Variants in SLC23A2 observed in about 807,000 individuals in gnomAD.
SLC23A2 encodes the protein Na(+)/L-ascorbic acid transporter 2.
A neutral mutation model predicts 73.3 loss-of-function variants in SLC23A2; 36 were observed. The observed-to-expected ratio is 0.49, with a 90% confidence interval of 0.38 to 0.65. The LOEUF is 0.65. Ranked by LOEUF, SLC23A2 falls within the 30% of genes least tolerant of loss-of-function variation. SLC23A2 has a pLI of 0.00. For missense variants in SLC23A2, 507 were observed against 841.6 expected (o/e 0.60, Z 4.92); for synonymous variants, 343 against 327.3 (o/e 1.05, Z -0.52).
Position 4,868,923 on chromosome 20 carries a change from T to C in SLC23A2, c.1250+983A>G, listed in dbSNP as rs1359257445. 6.6e-6 allele frequency: 1 copy of C among 152,210 alleles called. No individual in the cohort carries two copies. The highest frequency in any genetic ancestry group is 1.5e-5 in the Non-Finnish European group (1 of 68,044). 9.4% of individuals were successfully genotyped at this position (152,210 alleles called of 1,614,324 possible). Reference sequence around the variant, plus strand: ...CATTTCTGCTATTCCTGTCCCTATTTATATAAACTGTAACTGTGCATAGAT... The same window carrying C: ...CATTTCTGCTATTCCTGTCCCTATTCATATAAACTGTAACTGTGCATAGAT... On this transcript the variant is annotated intron_variant, in intron 12 of 16. Transcript: ENST00000338244. The surrounding 1 kb of genome is among the most constrained non-coding windows in gnomAD (Gnocchi z 4.4).
intron 3 of SLC23A2, among the ~76,000 whole-genome samples, chr20:4,918,159 A>G (rs1230848053): frequency 6.6e-6 from 1 of 152,208 alleles, no homozygotes; most frequent in Non-Finnish European, 1.5e-5. Flanking sequence ...TAAACTTAAT[A>G]AAGTCTGGTT....
At chr20:4,880,072 T>G (rs188999447) in intron 9 of SLC23A2, among the ~76,000 whole-genome samples, 1 of 152,190 alleles carries the variant, frequency 6.6e-6, no homozygotes, top group Non-Finnish European at 1.5e-5. Context: ...AATACATCCA[T>G]CAGCTCAGGA....
At chr20:4,907,290 G>T (rs1388981378) in intron 4 of SLC23A2, among the ~76,000 whole-genome samples, 1 of 152,008 alleles carries the variant, frequency 6.6e-6, no homozygotes, top group Non-Finnish European at 1.5e-5. Flanking sequence ...GACATCTATA[G>T]ATCCCACAGA....
At chr20:4,887,639 C>G (rs970688060) in intron 6 of SLC23A2, among the ~76,000 whole-genome samples, 1 of 152,146 alleles carries the variant, frequency 6.6e-6, no homozygotes, top group African/African-American at 2.4e-5. Flanking sequence ...CTAAAGGTCC[C>G]GAGAGCGCTG....
intron 4 of SLC23A2, among the ~76,000 whole-genome samples, chr20:4,903,229 T>A (rs970483440): frequency 1.3e-5 from 2 of 152,188 alleles, no homozygotes; most frequent in African/African-American, 4.8e-5. Flanking sequence ...AAACATTAAG[T>A]GTGGCATGGT....
Position 4,853,491 on chromosome 20 carries a change from G to A in SLC23A2, c.*3481C>T, listed in dbSNP as rs1436599411. The stretch of plus-strand genomic sequence containing the variant: ...TCATGGTCATAAAATATACGTATGG[G>A]TAAATAAAGTATACACACATACTAG... On this transcript the variant is annotated 3_prime_UTR_variant, in exon 17 of 17. Transcript: ENST00000338244. The A allele has an allele frequency of 6.6e-6, 1 of 152,588 alleles. No homozygotes were observed. The highest frequency in any genetic ancestry group is 1.5e-5 in the Non-Finnish European group (1 of 68,030). 9.5% of individuals were successfully genotyped at this position (152,588 alleles called of 1,614,324 possible).
At chr20:4,973,989 CTA>C (rs2087604957) in intron 1 of SLC23A2, among the ~76,000 whole-genome samples, 1 of 152,162 alleles carries the variant, frequency 6.6e-6, no homozygotes, top group African/African-American at 2.4e-5. Context: ...GTGTATCTTA[CTA>C]TGTTATTTAA....
chr20:4,882,198 G>A (rs1930913740), intron 9 of SLC23A2, among the ~76,000 whole-genome samples: 1 of 152,098 alleles, frequency 6.6e-6, no homozygotes, highest in South Asian at 2.1e-4. Context: ...CCAACATGGT[G>A]AAACCGTCTC....
At position 4,863,635 on chromosome 20, in the gene SLC23A2, C is replaced by A. The variant is rs530229788; in HGVS notation, c.1357-728G>T. 1.4e-4 allele frequency among the ~76,000 whole-genome samples: 22 copies of A among 152,294 alleles called. No individual in the cohort carries two copies. Among genetic ancestry groups the A allele is most frequent in the Admixed American group, 5.9e-4 (9 of 15,308 alleles). ...CCATTCCATGGGGCCACGGGGTCAC[C>A]TTTCTAACACATGAAATTGGGGAGG... On this transcript the variant is annotated intron_variant, in intron 13 of 16. Transcript: ENST00000338244. The surrounding 1 kb of genome is among the most constrained non-coding windows in gnomAD (Gnocchi z 4.8).
chr20:4,882,894 C>T (rs1427663509), intron 9 of SLC23A2, among the ~76,000 whole-genome samples: 2 of 152,078 alleles, frequency 1.3e-5, no homozygotes, highest in African/African-American at 4.8e-5. Context: ...TGGTTAAATT[C>T]CAGAGTAATG....
At chr20:4,911,838 G>A (rs1932159205) in intron 4 of SLC23A2, among the ~76,000 whole-genome samples, 1 of 139,254 alleles carries the variant, frequency 7.2e-6, no homozygotes, top group Non-Finnish European at 1.7e-5. Flanking sequence ...TTTTATTTAT[G>A]AATTTATTTA....
intron 6 of SLC23A2, among the ~76,000 whole-genome samples, chr20:4,892,208 C>T (rs544514061): frequency 6.6e-6 from 1 of 152,254 alleles, no homozygotes; most frequent in African/African-American, 2.4e-5. Context: ...GGCAGAGACC[C>T]TTAGCCAAGG....
At chr20:4,966,991 G>A (rs6052998) in intron 2 of SLC23A2, among the ~76,000 whole-genome samples, 60,715 of 151,642 alleles carry the variant, frequency 0.4, 12,416 homozygotes, top group Admixed American at 0.48. Context: ...AGGAGGGAAG[G>A]AAGCAGATAT....
chr20:4,870,345 G>A lies in SLC23A2; in HGVS notation c.1103-292C>T, dbSNP rs376589508. ...TGTAATCCCAGCACTTTGGGAGGCC[G>A]AGGCAGGCAGATCACGAGGTCAGGA... On this transcript the variant is annotated intron_variant, in intron 11 of 16. Transcript: ENST00000338244. Among the ~76,000 whole-genome samples the A allele has an allele frequency of 5.2e-4, 79 of 152,242 alleles. 1 individual carries two copies. The South Asian group carries it at 7.5e-3, about 14-fold the overall frequency.
intron 5 of SLC23A2, among the ~76,000 whole-genome samples, chr20:4,900,342 C>A (rs1931700207): frequency 6.6e-6 from 1 of 152,200 alleles, no homozygotes; most frequent in Non-Finnish European, 1.5e-5. Context: ...AAATGCTTTT[C>A]TGGCATAAAT....
intron 4 of SLC23A2, among the ~76,000 whole-genome samples, chr20:4,907,357 C>T (rs1307132233): frequency 1.3e-5 from 2 of 152,100 alleles, no homozygotes; most frequent in Non-Finnish European, 2.9e-5. Flanking sequence ...AGATAAACTT[C>T]ATCACACACA....
At position 4,899,724 on chromosome 20, in the gene SLC23A2, A is replaced by T. The variant is rs1301320694; in HGVS notation, c.325-12T>A. 3 of 1,612,998 alleles carry T rather than the reference A, an allele frequency of 1.9e-6. No homozygotes were observed. Among genetic ancestry groups the T allele is most frequent in the Non-Finnish European group, 2.5e-6 (3 of 1,179,188 alleles). On this transcript the variant is annotated splice_polypyrimidine_tract_variant and intron_variant, in intron 5 of 16. Coordinates refer to ENST00000338244, the MANE Select transcript of SLC23A2 (RefSeq NM_005116.6). This position sits in a 1 kb window ranked among gnomAD's most constrained non-coding sequence, Gnocchi z 4.9. ...CATGTCAGGTAGTGCTGTGGGCAGG[A>T]AAAGGGTCAGAGGAGAAACAGTAAA... is the stretch of plus-strand genomic sequence containing the variant.
At chr20:4,927,186 G>A (rs1932703658) in intron 3 of SLC23A2, among the ~76,000 whole-genome samples, 1 of 152,138 alleles carries the variant, frequency 6.6e-6, no homozygotes, top group African/African-American at 2.4e-5. Flanking sequence ...AGGTTTTATT[G>A]AATAGTATTT....
intron 1 of SLC23A2, among the ~76,000 whole-genome samples, chr20:4,996,405 G>A (rs973666474): frequency 2.0e-5 from 3 of 152,032 alleles, no homozygotes; most frequent in Admixed American, 1.3e-4. Flanking sequence ...ACTCATGAGT[G>A]GGCCAGGCAC....
Sources: gnomAD v4.1 joint callset for allele counts (sites outside exome capture counted in the v4.1 genomes callset) on GRCh38, gnomAD v4.1.1 for gene constraint, Gnocchi (gnomAD v3.1) non-coding constraint, MANE v1.5 for transcripts, NCBI Gene and HGNC (gene_info 2026-07-23, HGNC 2026-07-21) for gene names.